TEKT5: variants seen among roughly 807,000 people sequenced by gnomAD.
The protein encoded by TEKT5 is tektin 5, also known as tektin-5.
In TEKT5, 52 loss-of-function variants were observed where a neutral mutation model predicts 48.7. That is an observed-to-expected ratio of 1.07 (90% CI 0.86 to 1.35). The LOEUF (loss-of-function observed/expected upper bound fraction) is 1.35, where lower values mean the gene tolerates loss of function less well. Among genes scored for constraint, TEKT5 ranks in the 40% most tolerant of loss-of-function variants. TEKT5 has a pLI of 0.00. For missense variants in TEKT5, 831 were observed against 641.6 expected (o/e 1.30, Z -3.19); for synonymous variants, 318 against 267.6 (o/e 1.19, Z -1.84).
At chr16:10,683,569 C>T (rs923043358) in intron 3 of TEKT5, among the ~76,000 whole-genome samples, 2 of 152,182 alleles carry the variant, frequency 1.3e-5, no homozygotes, top group African/African-American at 2.4e-5. Context: ...CTTATTTTTC[C>T]TTTTTAAAAT....
rs551351805 is a variant in TEKT5, at chr16:10,652,875, C to T, written c.1087-16957G>A. On this transcript the variant is annotated intron_variant, in intron 5 of 6. Coordinates refer to ENST00000283025, the MANE Select transcript of TEKT5 (RefSeq NM_144674.2). ...CACACACACACACACACACACCCTC[C>T]AGGTCAGGTAGAGCGATCCCTTATA... is the stretch of plus-strand genomic sequence containing the variant. 9.8e-5 allele frequency among the ~76,000 whole-genome samples: 14 copies of T among 142,750 alleles called. 1 individual carries two copies. Among genetic ancestry groups the T allele is most frequent in the South Asian group, 2.2e-4 (1 of 4,530 alleles). The allele number at this position is 142,750 out of a possible 152,430, so 93.6% of individuals were successfully genotyped here.
At position 10,652,858 on chromosome 16, in the gene TEKT5, C is replaced by T. The variant is rs901118098; in HGVS notation, c.1087-16940G>A. 2.5e-3 allele frequency among the ~76,000 whole-genome samples: 138 copies of T among 55,902 alleles called. 5 individuals carry two copies. Among genetic ancestry groups the T allele is most frequent in the African/African-American group, 9.2e-3 (43 of 4,686 alleles). The allele number at this position is 55,902 out of a possible 152,430, so 36.7% of individuals were successfully genotyped here. A position where few individuals can be genotyped will look rare whatever the true frequency, so the allele number is the denominator to read the frequency against. Reference sequence around the variant, plus strand: ...GCAGACACACACACACACACACACACACACACACACACCCTCCAGGTCAGG... The same window carrying T: ...GCAGACACACACACACACACACACATACACACACACACCCTCCAGGTCAGG... On this transcript the variant is annotated intron_variant, in intron 5 of 6. Transcript: ENST00000283025.
chr16:10,684,804 C>A (rs1898830794), intron 3 of TEKT5, among the ~76,000 whole-genome samples: 1 of 152,238 alleles, frequency 6.6e-6, no homozygotes, highest in Non-Finnish European at 1.5e-5. Flanking sequence ...ACCCTGCTGT[C>A]AGCCCACCAG....
chr16:10,661,599 T>C (rs1898371798), intron 5 of TEKT5, among the ~76,000 whole-genome samples: 1 of 152,136 alleles, frequency 6.6e-6, no homozygotes, highest in Non-Finnish European at 1.5e-5. Flanking sequence ...ACCCAGGCAG[T>C]GTGGACAATT....
chr16:10,678,992 T>C (rs1238961030), intron 4 of TEKT5, among the ~76,000 whole-genome samples: 2 of 152,148 alleles, frequency 1.3e-5, no homozygotes, highest in Non-Finnish European at 2.9e-5. Context: ...AGGCTCAGTA[T>C]TCAATGTAGA....
intron 4 of TEKT5, among the ~76,000 whole-genome samples, chr16:10,677,231 G>C (rs1430165290): frequency 1.3e-5 from 2 of 148,324 alleles, no homozygotes; most frequent in Non-Finnish European, 2.9e-5. Flanking sequence ...GAGACAAATG[G>C]AGTGGTGTCA....
At chr16:10,647,351 G>A (rs769873188) in intron 5 of TEKT5, among the ~76,000 whole-genome samples, 16 of 151,730 alleles carry the variant, frequency 1.1e-4, no homozygotes, top group Non-Finnish European at 1.6e-4. Context: ...GCACACCGGC[G>A]GTCCCAGCTA....
chr16:10,685,325 A>C (rs764033386), intron 3 of TEKT5, among the ~76,000 whole-genome samples: 1 of 151,802 alleles, frequency 6.6e-6, no homozygotes, highest in Non-Finnish European at 1.5e-5. Flanking sequence ...TTTTTGAGAC[A>C]GTCTTGCTCT....
At chr16:10,690,599 G>C in intron 1 of TEKT5, 19 of 985,376 alleles carry the variant, frequency 1.9e-5, no homozygotes, top group Non-Finnish European at 2.3e-5. Flanking sequence ...AATATTACCT[G>C]TGAATATGCA....
intron 1 of TEKT5, among the ~76,000 whole-genome samples, chr16:10,690,279 C>T (rs910986001): frequency 1.3e-5 from 2 of 152,134 alleles, no homozygotes; most frequent in Admixed American, 1.3e-4. Context: ...AAGTAGCATC[C>T]CAAGAACCAA....
Position 10,635,832 on chromosome 16 carries a change from G to A in TEKT5, c.1173C>T (p.Ala391=). The A allele has an allele frequency of 6.2e-7, 1 of 1,614,130 alleles. No homozygotes were observed. The highest frequency in any genetic ancestry group is 8.5e-7 in the Non-Finnish European group (1 of 1,180,032). Residue 391 remains alanine, a synonymous_variant, in exon 6 of 7, where the codon GCC becomes GCT. Transcript: ENST00000283025. ...IMAKEGPLKV[A]QTRLECRTRR... is the part of the protein sequence containing the mutation. ...GGGTCCGGCACTCCAGCCTTGTCTG[G>A]GCCACCTTCAGCGGGCCCTCCTTGG...
At chr16:10,628,951 A>G (rs1446602134) in intron 6 of TEKT5, among the ~76,000 whole-genome samples, 26 of 151,710 alleles carry the variant, frequency 1.7e-4, no homozygotes. Context: ...CTGCAACAAC[A>G]TGAATGAACC....
At position 10,670,768 on chromosome 16, in the gene TEKT5, A is replaced by T. The variant is rs938944105; in HGVS notation, c.1086+5191T>A. ...GCTGGTGATTAAATTATGACTATTA[A>T]TAAAAATCCATGAGGTTGCAAAAAC... is the stretch of plus-strand genomic sequence containing the variant. On this transcript the variant is annotated intron_variant, in intron 5 of 6. Transcript: ENST00000283025. Among the ~76,000 whole-genome samples, 4 of 152,216 alleles carry T rather than the reference A, an allele frequency of 2.6e-5. No homozygotes were observed. In the South Asian group the frequency reaches 8.3e-4, roughly 32 times the overall value.
At chr16:10,640,537 A>G (rs973292751) in intron 5 of TEKT5, among the ~76,000 whole-genome samples, 2 of 152,198 alleles carry the variant, frequency 1.3e-5, no homozygotes, top group African/African-American at 4.8e-5. Context: ...TTATGTATAT[A>G]CCCATGAAAT....
At chr16:10,628,747 A>G (rs1897792569) in intron 6 of TEKT5, among the ~76,000 whole-genome samples, 1 of 152,090 alleles carries the variant, frequency 6.6e-6, no homozygotes, top group African/African-American at 2.4e-5. Context: ...TCTACTGAAA[A>G]TACAAAAAGT....
At position 10,691,686 on chromosome 16, in the gene TEKT5, C is replaced by T. The variant is rs577113652; in HGVS notation, c.565-1661G>A. Among the ~76,000 whole-genome samples, 166 of 152,138 alleles carry T rather than the reference C, an allele frequency of 1.1e-3. 1 individual carries two copies. Among genetic ancestry groups the T allele is most frequent in the African/African-American group, 3.6e-3 (150 of 41,512 alleles). On this transcript the variant is annotated intron_variant, in intron 1 of 6. Coordinates refer to ENST00000283025, the MANE Select transcript of TEKT5 (RefSeq NM_144674.2). ...CTGGGGGACCAGACACGGTGGCTCA[C>T]GCCTGTAATCCCAGCACTTTGGGAG...
chr16:10,631,956 G>A (rs140609278), intron 6 of TEKT5, among the ~76,000 whole-genome samples: 247 of 152,312 alleles, frequency 1.6e-3, no homozygotes, highest in African/African-American at 5.7e-3. Flanking sequence ...AAATGAATGC[G>A]GCAAGGTGAG....
At chr16:10,669,569 T>C (rs1898520123) in intron 5 of TEKT5, among the ~76,000 whole-genome samples, 1 of 152,230 alleles carries the variant, frequency 6.6e-6, no homozygotes, top group Admixed American at 6.5e-5. Context: ...CTTCTCATTG[T>C]ATGATTCAGT....
At position 10,632,305 on chromosome 16, in the gene TEKT5, TGG is replaced by T. The variant is rs879895760; in HGVS notation, c.1241+3457_1241+3458del. Among the ~76,000 whole-genome samples the T allele has an allele frequency of 5.8e-4, 88 of 151,990 alleles. No homozygotes were observed. In the Middle Eastern group the frequency reaches 0.017, roughly 30 times the overall value. ...TTAATTTTCATTAAAATTCAGTTTA[TGG>T]TTTTTTTTTTGACAGGGTGTTGCAT... On this transcript the variant is annotated intron_variant, in intron 6 of 6. Coordinates refer to ENST00000283025, the MANE Select transcript of TEKT5 (RefSeq NM_144674.2).
Sources: allele counts gnomAD v4.1 joint callset (sites outside exome capture counted in the v4.1 genomes callset), GRCh38; gene constraint gnomAD v4.1.1; transcripts MANE v1.5; gene names NCBI Gene and HGNC (gene_info 2026-07-23, HGNC 2026-07-21).